Variants in TBXT observed in about 807,000 individuals in gnomAD.
TBXT encodes the protein T brachyury transcription factor.
Under a neutral mutation model 41.1 loss-of-function variants are expected in TBXT, and 19 were observed. The observed-to-expected ratio is 0.46, with a 90% CI of 0.32 to 0.68. The LOEUF (loss-of-function observed/expected upper bound fraction) is 0.68, where lower values mean the gene tolerates loss of function less well. Among genes scored for constraint, TBXT ranks in the 30% least tolerant of loss-of-function variants. The pLI is 0.03. For synonymous variants in TBXT, 213 were observed against 238.9 expected, an observed-to-expected ratio of 0.89 and a Z score of 1.00; for missense variants, 536 against 582.0, an observed-to-expected ratio of 0.92 and a Z score of 0.81.
intron 7 of TBXT, among the ~76,000 whole-genome samples, chr6:166,159,192 A>AAGAAAGACTC (rs1418783848): frequency 6.6e-6 from 1 of 152,188 alleles, no homozygotes; most frequent in Non-Finnish European, 1.5e-5. Context: ...CAAAACAGAA[A>AAGAAAGACTC]AGAAAGACTC....
In TBXT at chr6:166,157,888, GA is replaced by G; in HGVS notation, c.*426del. 1 of 281,634 alleles carries G rather than the reference GA, an allele frequency of 3.6e-6. No individual in the cohort carries two copies. Among genetic ancestry groups the G allele is most frequent in the Non-Finnish European group, 6.9e-6 (1 of 144,442 alleles). The allele number at this position is 281,634 out of a possible 1,614,324, so 17.4% of individuals were successfully genotyped here. On this transcript the variant is annotated 3_prime_UTR_variant, in exon 8 of 8. Transcript: ENST00000366876. Reference sequence around the variant, plus strand: ...CTTAACAGCTCAACTCTAACTACTTGAAAGCAACAAGGAAGAAGATTAAGAG... The same window carrying G: ...CTTAACAGCTCAACTCTAACTACTTGAAGCAACAAGGAAGAAGATTAAGAG...
chr6:166,167,909 G>C (rs1779184492), upstream of TBXT: 2 of 450,000 alleles, frequency 4.4e-6, no homozygotes, highest in Non-Finnish European at 4.1e-6. Context: ...GCGCTGGGGT[G>C]CTCGGCGGAT....
intron 7 of TBXT, among the ~76,000 whole-genome samples, chr6:166,160,503 G>A (rs537296786): frequency 6.6e-6 from 1 of 152,150 alleles, no homozygotes; most frequent in East Asian, 1.9e-4. Context: ...GCCCAGAGAG[G>A]CTAAAAGACT....
At chr6:166,164,556 T>G (rs1214878724) in intron 5 of TBXT, 49 bp downstream of exon 5, 1 of 1,606,054 alleles carries the variant, frequency 6.2e-7, no homozygotes, top group South Asian at 1.1e-5. Context: ...TCTCAGCAAG[T>G]CTAGTCCCGA....
At chr6:166,164,687 A>G (rs1229934823) in intron 4 of TBXT, 21 bp from the exon 5 acceptor site, 2 of 1,613,704 alleles carry the variant, frequency 1.2e-6, no homozygotes, top group African/African-American at 2.7e-5. Flanking sequence ...GAAAAAAAAA[A>G]AGTATATCGA....
rs943286445 is a variant in TBXT at position 166,164,835 on chromosome 6, A to G, written c.633T>C (p.Asn211=). 1.2e-6 allele frequency: 2 copies of G among 1,612,840 alleles called. No individual in the cohort carries two copies. The highest frequency in any genetic ancestry group is 1.3e-5 in the African/African-American group (1 of 75,004). The part of the protein sequence containing the change: ...EEITALKIKY[N]PFAKAFLDAK... The stretch of plus-strand genomic sequence containing the variant: ...CATCAAGGAAAGCTTTTGCAAATGG[A>G]TTGTACTTAATTTTAAGAGCTGTGA... The change falls in exon 4 of 8, where the codon AAT becomes AAC. Residue 211 remains asparagine (N), a synonymous_variant. Transcript: ENST00000366876.
upstream of TBXT, chr6:166,167,905 G>C (rs1389696763): frequency 4.3e-6 from 2 of 464,014 alleles, no homozygotes; most frequent in Non-Finnish European, 7.9e-6. Flanking sequence ...GGCAGCGCTG[G>C]GGTGCTCGGC....
Position 166,166,812 on chromosome 6 carries a change from G to T in TBXT, c.251C>A (p.Pro84His). The T allele has an allele frequency of 6.2e-7, 1 of 1,613,862 alleles. No individual in the cohort carries two copies. The change falls in exon 2 of 8, where the codon CCC becomes CAC. Residue 84 changes from proline (P) to histidine (H), a missense_variant. Pro to His is a moderately conservative substitution (Grantham distance 77, BLOSUM62 -2). Coordinates refer to ENST00000366876, the MANE Select transcript of TBXT (RefSeq NM_001366285.2). ...VLKVNVSGLD[P>H]NAMYSFLLDF... is the part of the protein sequence containing the mutation. Reference sequence around the variant, plus strand: ...CAGCAGGAAGGAGTACATGGCGTTGGGGTCCAGGCCAGACACGTTCACCTT... The same window carrying T: ...CAGCAGGAAGGAGTACATGGCGTTGTGGTCCAGGCCAGACACGTTCACCTT...
At chr6:166,160,056 A>G (rs2028791) in intron 7 of TBXT, among the ~76,000 whole-genome samples, 25,652 of 152,218 alleles carry the variant, frequency 0.17, 2,374 homozygotes, top group African/African-American at 0.25. Flanking sequence ...CTTTGAGGTC[A>G]AGATCACTTA....
chr6:166,167,925 C>G (rs1027787005), upstream of TBXT: 6 of 414,618 alleles, frequency 1.4e-5, no homozygotes, highest in East Asian at 5.0e-5. Context: ...CGGATTGGGC[C>G]GCGCACGCTT....
intron 1 of TBXT, 127 bp downstream of exon 1, chr6:166,167,259 G>T: frequency 1.8e-6 from 2 of 1,090,948 alleles, no homozygotes; most frequent in Non-Finnish European, 1.3e-6. Context: ...GAGTTAACCA[G>T]AGCGGGAACA....
chr6:166,160,597 CCA>C (rs1421777722), intron 7 of TBXT, among the ~76,000 whole-genome samples: 1 of 152,174 alleles, frequency 6.6e-6, no homozygotes, highest in Non-Finnish European at 1.5e-5. Context: ...AGCTCCCATT[CCA>C]CACCTGGGTT....
chr6:166,167,667 G>A lies in TBXT; in HGVS notation c.-76C>T. 3 of 1,525,718 alleles carry A rather than the reference G, an allele frequency of 2.0e-6. No individual in the cohort carries two copies. The South Asian group carries it at 3.6e-5, about 18-fold the overall frequency. 94.5% of individuals were successfully genotyped at this position (1,525,718 alleles called of 1,614,324 possible). On this transcript the variant is annotated 5_prime_UTR_variant, in exon 1 of 8. Transcript: ENST00000366876. The stretch of plus-strand genomic sequence containing the variant: ...CTGAGATCCACCTTCCCTGCTCTTG[G>A]CCGCCGCCCTTCCGAGAAAAGGGGC...
chr6:166,161,379 C>T (rs1778950791), intron 6 of TBXT, among the ~76,000 whole-genome samples: 1 of 152,230 alleles, frequency 6.6e-6, no homozygotes, highest in South Asian at 2.1e-4. Flanking sequence ...ATCTTCCTGC[C>T]TCAGAGTCTA....
chr6:166,160,241 T>G (rs1477922953), intron 7 of TBXT, among the ~76,000 whole-genome samples: 2 of 152,232 alleles, frequency 1.3e-5, no homozygotes, highest in African/African-American at 4.8e-5. Context: ...TTTTTCCCTC[T>G]GCATAACTTG....
intron 6 of TBXT, 140 bp from the exon 7 acceptor site, chr6:166,161,106 C>A: frequency 8.7e-7 from 1 of 1,152,458 alleles, no homozygotes; most frequent in Admixed American, 2.0e-5. Context: ...AGAAAACAAT[C>A]CATTAGTCTA....
chr6:166,160,144 T>C (rs1778909247), intron 7 of TBXT, among the ~76,000 whole-genome samples: 1 of 152,162 alleles, frequency 6.6e-6, no homozygotes, highest in Admixed American at 6.5e-5. Context: ...AAAGTGAGGG[T>C]TGACTTCTAG....
At chr6:166,163,734 T>C (rs1390789450) in intron 5 of TBXT, among the ~76,000 whole-genome samples, 3 of 152,226 alleles carry the variant, frequency 2.0e-5, no homozygotes, top group Admixed American at 6.5e-5. Flanking sequence ...AAGCAACCCC[T>C]AGCGGGACAA....
At chr6:166,167,944 C>G (rs948250825), upstream of TBXT, 2 of 376,346 alleles carry the variant, frequency 5.3e-6, no homozygotes, top group African/African-American at 2.1e-5. Flanking sequence ...TTTGAAGTGC[C>G]GGGCAGCCTC....
Sources: gnomAD v4.1 joint callset for allele counts (sites outside exome capture counted in the v4.1 genomes callset) on GRCh38, gnomAD v4.1.1 for gene constraint, MANE v1.5 for transcripts, NCBI Gene and HGNC (gene_info 2026-07-23, HGNC 2026-07-21) for gene names.